The following FAM83H variants were observed in gnomAD, a reference collection of about 807,000 sequenced individuals.
FAM83H encodes protein FAM83H.
A neutral mutation model predicts 30.2 loss-of-function variants in FAM83H; 24 were observed. That is an observed-to-expected ratio of 0.79 (90% confidence interval 0.57 to 1.12). The LOEUF is 1.12. Ranked by LOEUF, FAM83H falls within the 50% of genes most tolerant of loss-of-function variation. The pLI is 0.00. For synonymous variants in FAM83H, 1,013 were observed against 821.7 expected, an observed-to-expected ratio of 1.23 and a Z score of -3.98; for missense variants, 2,038 against 1,773.9, an observed-to-expected ratio of 1.15 and a Z score of -2.67.
In FAM83H at chr8:143,726,849, G is replaced by A. The variant is rs782455374; in HGVS notation, c.2612C>T (p.Pro871Leu). 3.1e-6 allele frequency: 5 copies of A among 1,613,058 alleles called. No individual in the cohort carries two copies. The highest frequency in any genetic ancestry group is 4.2e-6 in the Non-Finnish European group (5 of 1,179,966). ...QVLHNESKGSPTSAYPERKGS... is the reference protein window; with the variant it reads ...QVLHNESKGSLTSAYPERKGS... ...CTTCCGCTCAGGGTAAGCCGAGGTG[G>A]GGCTCCCTTTTGACTCATTATGGAG... The change falls in exon 5 of 5, where the codon CCC becomes CTC. Residue 871 changes from proline (P) to leucine (L), a missense_variant. Transcript: ENST00000388913.
Position 143,726,955 on chromosome 8 carries a change from G to A in FAM83H, c.2506C>T (p.Leu836Phe), listed in dbSNP as rs781933799. The A allele has an allele frequency of 1.2e-6, 2 of 1,609,548 alleles. No homozygotes were observed. The highest frequency in any genetic ancestry group is 2.2e-5 in the South Asian group (2 of 90,812). ...GACGTTGAGTGGCTCTGGGCAGAGA[G>A]GAAGCGGGAAGGCAGGCGGTCGGAG... ...SGSDRLPSRF[L>F]SAQSHSTSPQ... is the part of the protein sequence containing the mutation. Residue 836 changes from leucine (L) to phenylalanine (F), a missense_variant, in exon 5 of 5, where the codon CTC (leucine) becomes TTC (phenylalanine). Leu to Phe is a conservative substitution (Grantham distance 22). Coordinates refer to ENST00000388913, the MANE Select transcript of FAM83H (RefSeq NM_198488.5).
Position 143,727,644 on chromosome 8 carries a change from G to A in FAM83H, c.1817C>T (p.Ala606Val), listed in dbSNP as rs782445364. The A allele has an allele frequency of 7.6e-6, 12 of 1,577,004 alleles. No individual in the cohort carries two copies. The highest frequency in any genetic ancestry group is 4.1e-5 in the African/African-American group (3 of 73,558). ...GDDGLPAPME[A>V]EAYEDDVLAP... ...CAGCACGTCGTCTTCGTAAGCCTCC[G>A]CTTCCATGGGCGCCGGTAGGCCGTC... The change falls in exon 5 of 5, where the codon GCG (alanine) becomes GTG (valine). Residue 606 changes from alanine (A) to valine (V), a missense_variant. Physicochemically the swap from Ala to Val is moderately conservative, Grantham distance 64. Transcript: ENST00000388913.
chr8:143,727,058 C>A lies in FAM83H; in HGVS notation c.2403G>T (p.Leu801=). The A allele has an allele frequency of 6.5e-7, 1 of 1,549,372 alleles. No homozygotes were observed. The highest frequency in any genetic ancestry group is 1.4e-5 in the African/African-American group (1 of 73,612). The change falls in exon 5 of 5, where the codon CTG becomes CTT. Residue 801 remains leucine (L), a synonymous_variant. Transcript: ENST00000388913. ...CCGGCTGCCGCTCCGCCTCCTGGTG[C>A]AGCTGCTGTGCAAAGGAGTCGCGCA... ...LDLRDSFAQQ[L]HQEAERQPGA...
At position 143,733,611 on chromosome 8, in the gene FAM83H, A is replaced by T. The variant is rs868919282; in HGVS notation, c.-16+80T>A. ...CCGGCCCAGGTGTGGGCGCAAGGGT[A>T]GCCCAAGTGGGACCGCGCCAAGGGG... On this transcript the variant is annotated intron_variant, in intron 1 of 4. Transcript: ENST00000388913. The surrounding 1 kb of genome is among the most constrained non-coding windows in gnomAD (Gnocchi z 5.6). 37 of 150,802 alleles carry T rather than the reference A, an allele frequency of 2.5e-4. No homozygotes were observed. The highest frequency in any genetic ancestry group is 9.0e-4 in the African/African-American group (37 of 41,188). The allele number at this position is 150,802 out of a possible 1,614,324, so 9.3% of individuals were successfully genotyped here.
chr8:143,732,759 C>A (rs1238939448), intron 1 of FAM83H: 27 of 984,170 alleles, frequency 2.7e-5, no homozygotes, highest in Non-Finnish European at 3.3e-5. Context: ...AGATGGAGCA[C>A]CCCAGTGGCC....
chr8:143,730,416 A>T lies in FAM83H; in HGVS notation c.167T>A (p.Leu56Gln). 6.2e-7 allele frequency: 1 copy of T among 1,613,108 alleles called. No individual in the cohort carries two copies. Among genetic ancestry groups the T allele is most frequent in the Non-Finnish European group, 8.5e-7 (1 of 1,180,028 alleles). ...FLATEGAPDF[L>Q]CPEELEHVSR... ...CACATGTTCCAGCTCTTCAGGGCAC[A>T]GGAAGTCTGGTGCCCCCTCGGTAGC... is the stretch of plus-strand genomic sequence containing the variant. The change falls in exon 2 of 5, where the codon CTG (leucine) becomes CAG (glutamine). Residue 56 changes from leucine (L) to glutamine (Q), a missense_variant. Transcript: ENST00000388913.
At position 143,727,738 on chromosome 8, in the gene FAM83H, GC is replaced by G; in HGVS notation, c.1722del (p.Arg575GlyfsTer13). The G allele has an allele frequency of 2.0e-6, 3 of 1,516,416 alleles. No homozygotes were observed. Among genetic ancestry groups the G allele is most frequent in the Non-Finnish European group, 2.6e-6 (3 of 1,139,896 alleles). 93.9% of individuals were successfully genotyped at this position (1,516,416 alleles called of 1,614,324 possible). ...AEPERRGGPE[G>X]RAGLRRWRLA... is the part of the protein sequence containing the mutation. ...AAACGCCAGCGCCGCAGCCCTGCCC[GC>G]CCCTCGGGCCCGCCCCTGCGCTCCG... On this transcript the variant is annotated frameshift_variant, in exon 5 of 5. Transcript: ENST00000388913. LOFTEE classifies it low-confidence loss of function (END_TRUNC).
At position 143,733,534 on chromosome 8, in the gene FAM83H, C is replaced by G. The variant is rs1818609053; in HGVS notation, c.-16+157G>C. The stretch of plus-strand genomic sequence containing the variant: ...CCGAGCAGCCCCGCCACCCCGGCCC[C>G]GCGCACGCGGCCGCGCTCCACTCCC... On this transcript the variant is annotated intron_variant, in intron 1 of 4. Transcript: ENST00000388913. This position sits in a 1 kb window ranked among gnomAD's most constrained non-coding sequence, Gnocchi z 5.6. Among the ~76,000 whole-genome samples the G allele has an allele frequency of 6.6e-6, 1 of 151,694 alleles. No individual in the cohort carries two copies.
Position 143,725,590 on chromosome 8 carries a change from G to A in FAM83H, c.*331C>T. On this transcript the variant is annotated 3_prime_UTR_variant, in exon 5 of 5. Coordinates refer to ENST00000388913, the MANE Select transcript of FAM83H (RefSeq NM_198488.5). ...CAGCCCTAGGTCTCAAAAAAATAAA[G>A]GGGGCGGGGGGGACTGAGGCACAAA... 1 of 455,504 alleles carries A rather than the reference G, an allele frequency of 2.2e-6. No homozygotes were observed. The highest frequency in any genetic ancestry group is 2.7e-5 in the South Asian group (1 of 36,682). The allele number at this position is 455,504 out of a possible 1,614,324, so 28.2% of individuals were successfully genotyped here. A position where few individuals can be genotyped will look rare whatever the true frequency, so the allele number is the denominator to read the frequency against.
Position 143,725,679 on chromosome 8 carries a change from G to C in FAM83H, c.*242C>G. The C allele has an allele frequency of 1.6e-6, 1 of 619,228 alleles. No homozygotes were observed. The highest frequency in any genetic ancestry group is 2.8e-6 in the Non-Finnish European group (1 of 355,264). The allele number at this position is 619,228 out of a possible 1,614,324, so 38.4% of individuals were successfully genotyped here. A position where few individuals can be genotyped will look rare whatever the true frequency, so the allele number is the denominator to read the frequency against. On this transcript the variant is annotated 3_prime_UTR_variant, in exon 5 of 5. Transcript: ENST00000388913. The stretch of plus-strand genomic sequence containing the variant: ...CGGTGCAGAGATGAAGGTGCTGAGG[G>C]GAGAAAGGCACTGGTGGCGAGGGGT...
In FAM83H at chr8:143,726,851, G is replaced by A. The variant is rs1554622107; in HGVS notation, c.2610C>T (p.Ser870=). 2 of 1,613,038 alleles carry A rather than the reference G, an allele frequency of 1.2e-6. No individual in the cohort carries two copies. Among genetic ancestry groups the A allele is most frequent in the East Asian group, 4.5e-5 (2 of 44,874 alleles). ...HQVLHNESKG[S]PTSAYPERKG... ...TCCGCTCAGGGTAAGCCGAGGTGGG[G>A]CTCCCTTTTGACTCATTATGGAGCA... The change falls in exon 5 of 5, where the codon AGC becomes AGT. Residue 870 remains serine, a synonymous_variant. Coordinates refer to ENST00000388913, the MANE Select transcript of FAM83H (RefSeq NM_198488.5).
rs144652540 is a variant in FAM83H at position 143,731,615 on chromosome 8, C to T, written c.-15-1018G>A. 1,788 of 985,476 alleles carry T rather than the reference C, an allele frequency of 1.8e-3. 17 individuals are homozygous for T. In the African/African-American group the frequency reaches 0.02, roughly 11 times the overall value. The allele number at this position is 985,476 out of a possible 1,614,324, so 61.0% of individuals were successfully genotyped here. The stretch of plus-strand genomic sequence containing the variant: ...CCTTTGACCTCTTTCTTGTCACTGT[C>T]CCTCTCAGATAAAACCTCCCTGGGC... On this transcript the variant is annotated intron_variant, in intron 1 of 4. Coordinates refer to ENST00000388913, the MANE Select transcript of FAM83H (RefSeq NM_198488.5).
In FAM83H at chr8:143,727,978, G is replaced by A; in HGVS notation, c.1483C>T (p.Pro495Ser). ...DPDDFTLGAG[P>S]RFPELGPDGH... ...TCGGGTCCGAGCTCCGGGAAGCGGG[G>A]CCCGGCGCCCAGGGTGAAGTCATCC... Residue 495 changes from proline (P) to serine (S), a missense_variant, in exon 5 of 5, where the codon CCC becomes TCC. Coordinates refer to ENST00000388913, the MANE Select transcript of FAM83H (RefSeq NM_198488.5). The A allele has an allele frequency of 6.3e-7, 1 of 1,576,214 alleles. No homozygotes were observed. Among genetic ancestry groups the A allele is most frequent in the Non-Finnish European group, 8.6e-7 (1 of 1,169,446 alleles).
At position 143,726,313 on chromosome 8, in the gene FAM83H, G is replaced by A. The variant is rs1554621689; in HGVS notation, c.3148C>T (p.His1050Tyr). 4.3e-6 allele frequency: 7 copies of A among 1,612,064 alleles called. No individual in the cohort carries two copies. The East Asian group carries it at 1.1e-4, about 26-fold the overall frequency. Reference sequence around the variant, plus strand: ...GGGACCGCACGGTGCTTCTGGCCGTGGGCACTGATCTGCTCCAGAATGGCC... The same window carrying A: ...GGGACCGCACGGTGCTTCTGGCCGTAGGCACTGATCTGCTCCAGAATGGCC... ...TKAILEQISAHGQKHRAVPAP... is the reference protein window; with the variant it reads ...TKAILEQISAYGQKHRAVPAP... Residue 1050 changes from histidine to tyrosine, a missense_variant, in exon 5 of 5, where the codon CAC becomes TAC. His to Tyr is a moderately conservative substitution (Grantham distance 83). Coordinates refer to ENST00000388913, the MANE Select transcript of FAM83H (RefSeq NM_198488.5).
In FAM83H at chr8:143,723,935, C is replaced by CT. The variant is rs1202363286; in HGVS notation, c.*1985dup. 1.3e-5 allele frequency: 2 copies of CT among 152,234 alleles called. No homozygotes were observed. Among genetic ancestry groups the CT allele is most frequent in the Non-Finnish European group, 2.9e-5 (2 of 68,068 alleles). 9.4% of individuals were successfully genotyped at this position (152,234 alleles called of 1,614,324 possible). A position where few individuals can be genotyped will look rare whatever the true frequency, so the allele number is the denominator to read the frequency against. ...ACACACTGGGGAACATGCTAGAATA[C>CT]TTTGTGTGTTGTGTTTTATTAACAC... On this transcript the variant is annotated 3_prime_UTR_variant, in exon 5 of 5. Coordinates refer to ENST00000388913, the MANE Select transcript of FAM83H (RefSeq NM_198488.5).
At position 143,726,460 on chromosome 8, in the gene FAM83H, G is replaced by A. The variant is rs781897628; in HGVS notation, c.3001C>T (p.Arg1001Cys). 5 of 1,602,658 alleles carry A rather than the reference G, an allele frequency of 3.1e-6. No individual in the cohort carries two copies. Among genetic ancestry groups the A allele is most frequent in the African/African-American group, 2.7e-5 (2 of 74,842 alleles). Residue 1001 changes from arginine to cysteine, a missense_variant, in exon 5 of 5, where the codon CGT becomes TGT. Coordinates refer to ENST00000388913, the MANE Select transcript of FAM83H (RefSeq NM_198488.5). ...CTGTCACCCTGGCCCAGTGACAGACGCCGCGGGCTCTCGGGTTGGCCGTTC... is the reference window on the plus strand; with the variant it reads ...CTGTCACCCTGGCCCAGTGACAGACACCGCGGGCTCTCGGGTTGGCCGTTC... ...QENGQPESPR[R>C]LSLGQGDSTE...
chr8:143,729,034 A>G lies in FAM83H; in HGVS notation c.670T>C (p.Phe224Leu). The G allele has an allele frequency of 1.2e-6, 2 of 1,613,572 alleles. No homozygotes were observed. Among genetic ancestry groups the G allele is most frequent in the Admixed American group, 1.7e-5 (1 of 60,026 alleles). ...AACTTCTCCTTGACGTGGCCCTTGA[A>G]GGACTTCCCAGTGCGGCAGTAGTAG... The part of the protein sequence containing the change: ...PTYYCRTGKS[F>L]KGHVKEKFLL... The change falls in exon 4 of 5, where the codon TTC becomes CTC. Residue 224 changes from phenylalanine to leucine, a missense_variant. By Grantham distance (22) the Phe-to-Leu change is conservative. Transcript: ENST00000388913.
In FAM83H at chr8:143,728,461, G is replaced by C. The variant is rs1250616372; in HGVS notation, c.1000C>G (p.Arg334Gly). The C allele has an allele frequency of 4.5e-6, 7 of 1,552,064 alleles. No individual in the cohort carries two copies. The highest frequency in any genetic ancestry group is 6.1e-6 in the Non-Finnish European group (7 of 1,147,534). ...GAGGGGAAGCCCAGGCCCTCTTCCC[G>C]GGGTGGCGGGAACAGGAGGTGCGCT... ...KRAHLLFPPP[R>G]EEGLGFPSFL... is the part of the protein sequence containing the mutation. The change falls in exon 5 of 5, where the codon CGG (arginine) becomes GGG (glycine). Residue 334 changes from arginine to glycine, a missense_variant. Transcript: ENST00000388913.
In FAM83H at chr8:143,725,155, ACGGGGGGGGG is replaced by A; in HGVS notation, c.*756_*765del. 1 of 1,404 alleles carries A rather than the reference ACGGGGGGGGG, an allele frequency of 7.1e-4. No homozygotes were observed. The highest frequency in any genetic ancestry group is 9.1e-3 in the East Asian group (1 of 110). 0.1% of individuals were successfully genotyped at this position (1,404 alleles called of 1,614,324 possible). ...GAAGCCCAGGCGGGGGAGGGGGGAGACGGGGGGGGGGGGGGGGGAGGGAAGGAGGAGACCT... is the reference window on the plus strand; with the variant it reads ...GAAGCCCAGGCGGGGGAGGGGGGAGAGGGGGGGGAGGGAAGGAGGAGACCT... On this transcript the variant is annotated 3_prime_UTR_variant, in exon 5 of 5. Transcript: ENST00000388913.
Sources: gnomAD v4.1 joint callset for allele counts (sites outside exome capture counted in the v4.1 genomes callset) on GRCh38, gnomAD v4.1.1 for gene constraint, Gnocchi (gnomAD v3.1) non-coding constraint, MANE v1.5 for transcripts, NCBI Gene and HGNC (gene_info 2026-07-23, HGNC 2026-07-21) for gene names.